The following ING5 variants were observed in gnomAD, a reference collection of about 807,000 sequenced individuals.
ING5 encodes the protein inhibitor of growth protein 5.
A neutral mutation model predicts 37.4 loss-of-function variants in ING5; 17 were observed. That is an observed-to-expected ratio of 0.45 (90% CI 0.31 to 0.68). The LOEUF is 0.68. ING5 is among the 30% of genes least tolerant of loss of function. The pLI is 0.05. For synonymous variants in ING5, 123 were observed against 116.6 expected, an observed-to-expected ratio of 1.06 and a Z score of -0.36; for missense variants, 233 against 311.9, an observed-to-expected ratio of 0.75 and a Z score of 1.91.
intron 5 of ING5, chr2:241,719,831 CG>C: frequency 7.1e-7 from 1 of 1,403,788 alleles, no homozygotes; most frequent in Admixed American, 3.0e-5. Flanking sequence ...AGTAGCAATG[CG>C]GAGCCTGGGA....
chr2:241,725,146 G>T lies in ING5; in HGVS notation c.*115G>T. ...TCGGTTGATACTTAGTAACTCCGTG[G>T]CCAGTTGAAGCGCTGGATGTTTCCT... On this transcript the variant is annotated 3_prime_UTR_variant, in exon 8 of 8. Coordinates refer to ENST00000313552, the MANE Select transcript of ING5 (RefSeq NM_032329.6). The T allele has an allele frequency of 9.3e-7, 1 of 1,075,212 alleles. No individual in the cohort carries two copies. The highest frequency in any genetic ancestry group is 1.4e-6 in the Non-Finnish European group (1 of 705,454). 66.6% of individuals were successfully genotyped at this position (1,075,212 alleles called of 1,614,324 possible).
In ING5 at chr2:241,725,481, C is replaced by T. The variant is rs1691578488; in HGVS notation, c.*450C>T. 1 of 153,458 alleles carries T rather than the reference C, an allele frequency of 6.5e-6. No individual in the cohort carries two copies. Among genetic ancestry groups the T allele is most frequent in the South Asian group, 2.0e-4 (1 of 4,980 alleles). 9.5% of individuals were successfully genotyped at this position (153,458 alleles called of 1,614,324 possible). On this transcript the variant is annotated 3_prime_UTR_variant, in exon 8 of 8. Transcript: ENST00000313552. Reference sequence around the variant, plus strand: ...TGCCACCGAGGCGCGCGTGGGGCCACTGCCGTGGCGGCGGCTGCCCTCCTC... The same window carrying T: ...TGCCACCGAGGCGCGCGTGGGGCCATTGCCGTGGCGGCGGCTGCCCTCCTC...
At chr2:241,720,702 C>T in intron 5 of ING5, 2 of 985,614 alleles carry the variant, frequency 2.0e-6, no homozygotes, top group Non-Finnish European at 2.4e-6. Context: ...GGGTGCCTGC[C>T]ACACCCTGGG....
At chr2:241,698,570 C>A (rs1457711215), upstream of ING5, among the ~76,000 whole-genome samples, 5 of 149,458 alleles carry the variant, frequency 3.3e-5, no homozygotes, top group Admixed American at 1.3e-4. Context: ...ACTTTCTCTT[C>A]AACTTTTCAA....
intron 2 of ING5, among the ~76,000 whole-genome samples, chr2:241,695,647 C>G (rs150091830): frequency 0.12 from 18,735 of 152,122 alleles, 1,372 homozygotes; most frequent in East Asian, 0.33. Flanking sequence ...GATCGCGCCA[C>G]CACACTCCAG....
intron 2 of ING5, among the ~76,000 whole-genome samples, chr2:241,706,896 T>C (rs1203474456): frequency 6.6e-6 from 1 of 152,016 alleles, no homozygotes; most frequent in Non-Finnish European, 1.5e-5. Flanking sequence ...CAGAAGCTTT[T>C]GAGATGTTTC....
At chr2:241,702,242 C>A in intron 1 of ING5, 140 bp downstream of exon 1, 1 of 202,808 alleles carries the variant, frequency 4.9e-6, no homozygotes, top group Non-Finnish European at 8.6e-6. Context: ...GGGGGGCGCG[C>A]GGACGGGGCG....
rs1691561436 is a variant in ING5, at chr2:241,725,125, T to A, written c.*94T>A. ...TTCCTTTTAAAACTACCTTGTTCGG[T>A]TGATACTTAGTAACTCCGTGGCCAG... On this transcript the variant is annotated 3_prime_UTR_variant, in exon 8 of 8. Transcript: ENST00000313552. 3 of 1,328,512 alleles carry A rather than the reference T, an allele frequency of 2.3e-6. No individual in the cohort carries two copies. In the East Asian group the frequency reaches 6.9e-5, roughly 31 times the overall value. The allele number at this position is 1,328,512 out of a possible 1,614,324, so 82.3% of individuals were successfully genotyped here. A position where few individuals can be genotyped will look rare whatever the true frequency, so the allele number is the denominator to read the frequency against.
At chr2:241,701,937 G>T, upstream of ING5, 2 of 447,518 alleles carry the variant, frequency 4.5e-6, no homozygotes, top group South Asian at 8.5e-5. Flanking sequence ...AGGCGTGTCC[G>T]ACCCCGCCCC....
At position 241,696,163 on chromosome 2, in the gene ING5, G is replaced by A. The variant is rs138468886; in HGVS notation, c.43+5510G>A. Among the ~76,000 whole-genome samples, 527 of 152,264 alleles carry A rather than the reference G, an allele frequency of 3.5e-3. 1 individual carries two copies. Among genetic ancestry groups the A allele is most frequent in the African/African-American group, 0.012 (478 of 41,534 alleles). ...TCCCACCACTTTGGAAGGCCGAGGCGGGCAGATCACGAGGTGAGGAGTTCG... is the reference window on the plus strand; with the variant it reads ...TCCCACCACTTTGGAAGGCCGAGGCAGGCAGATCACGAGGTGAGGAGTTCG... On this transcript the variant is annotated intron_variant, in intron 2 of 7. Coordinates refer to the ING5 transcript ENST00000636051.
intron 2 of ING5, among the ~76,000 whole-genome samples, chr2:241,706,942 G>GT (rs2069934292): frequency 6.9e-6 from 1 of 144,142 alleles, no homozygotes; most frequent in African/African-American, 2.5e-5. Flanking sequence ...ATGATAATGT[G>GT]TTTTGGTGTG....
At chr2:241,710,469 A>G (rs1339532420) in intron 3 of ING5, among the ~76,000 whole-genome samples, 1 of 149,804 alleles carries the variant, frequency 6.7e-6, no homozygotes, top group Non-Finnish European at 1.5e-5. Context: ...CCAACAGGCT[A>G]ATTTTTGTTT....
At chr2:241,687,190 C>CCCCT (rs1559291082) in exon 1 of ING5, 2 of 394,550 alleles carry the variant, frequency 5.1e-6, no homozygotes, top group African/African-American at 4.1e-5. Context: ...CTCTCGTTGG[C>CCCCT]CCCTGGCTGC....
In ING5 at chr2:241,720,999, C is replaced by T. The variant is rs899051858; in HGVS notation, c.483-1940C>T. On this transcript the variant is annotated intron_variant, in intron 5 of 7. Transcript: ENST00000313552. Reference sequence around the variant, plus strand: ...TCCCACAGCCATCAAATCTGGCCAGCGCCCTCGAACCTGGTGATGCTGAGA... The same window carrying T: ...TCCCACAGCCATCAAATCTGGCCAGTGCCCTCGAACCTGGTGATGCTGAGA... 24 of 985,566 alleles carry T rather than the reference C, an allele frequency of 2.4e-5. No homozygotes were observed. In the East Asian group the frequency reaches 6.8e-4, roughly 28 times the overall value. The allele number at this position is 985,566 out of a possible 1,614,324, so 61.1% of individuals were successfully genotyped here.
At chr2:241,712,149 A>T in intron 5 of ING5, 78 bp downstream of exon 5, 2 of 1,166,056 alleles carry the variant, frequency 1.7e-6, no homozygotes, top group South Asian at 2.9e-5. Flanking sequence ...CACTGATGGA[A>T]GCTGACCCGA....
chr2:241,701,454 A>G (rs1559298030), upstream of ING5, among the ~76,000 whole-genome samples: 1 of 152,072 alleles, frequency 6.6e-6, no homozygotes, highest in Non-Finnish European at 1.5e-5. Flanking sequence ...CCTCGGAGGG[A>G]AGGGGCGGCG....
intron 5 of ING5, chr2:241,720,481 G>A (rs766591830): frequency 8.6e-5 from 87 of 1,008,958 alleles, no homozygotes; most frequent in Non-Finnish European, 9.8e-5. Context: ...CTGAGATCCC[G>A]TGACCTGAGG....
At chr2:241,701,936 C>A (rs1052574382), upstream of ING5, 90 of 450,066 alleles carry the variant, frequency 2.0e-4, no homozygotes, top group East Asian at 3.1e-4. Flanking sequence ...AAGGCGTGTC[C>A]GACCCCGCCC....
Position 241,702,078 on chromosome 2 carries a change from A to C in ING5, c.13A>C (p.Met5Leu). The C allele has an allele frequency of 7.2e-7, 1 of 1,387,996 alleles. No homozygotes were observed. Among genetic ancestry groups the C allele is most frequent in the Non-Finnish European group, 9.4e-7 (1 of 1,065,530 alleles). 86.0% of individuals were successfully genotyped at this position (1,387,996 alleles called of 1,614,324 possible). ...GCCGCGGACGAAGATGGCGACCGCC[A>C]TGTACTTGGAGCACTATCTGGACAG... MATA[M>L]YLEHYLDSIE... The change falls in exon 1 of 8, where the codon ATG becomes CTG. Residue 5 changes from methionine to leucine, a missense_variant. Met to Leu is a conservative substitution (Grantham distance 15). Transcript: ENST00000313552.
Sources: allele counts gnomAD v4.1 joint callset (sites outside exome capture counted in the v4.1 genomes callset), GRCh38; gene constraint gnomAD v4.1.1; transcripts MANE v1.5; gene names NCBI Gene and HGNC (gene_info 2026-07-23, HGNC 2026-07-21).